LMNB1: variants seen among roughly 807,000 people sequenced by gnomAD.
The protein encoded by LMNB1 is lamin B1.
LMNB1 carries 23 observed loss-of-function variants against 67.1 expected under a neutral mutation model. That is an observed-to-expected ratio of 0.34 (90% CI 0.25 to 0.49). The LOEUF is 0.49. Among genes scored for constraint, LMNB1 ranks in the 20% least tolerant of loss-of-function variants. The pLI, the probability that LMNB1 is intolerant of heterozygous loss-of-function variation, is 0.99. For synonymous variants in LMNB1, 281 were observed against 282.9 expected (o/e 0.99, Z 0.07); for missense variants, 634 against 746.5 (o/e 0.85, Z 1.76).
At chr5:126,834,320 C>T (rs1208038463) in intron 10 of LMNB1, among the ~76,000 whole-genome samples, 1 of 152,160 alleles carries the variant, frequency 6.6e-6, no homozygotes, top group African/African-American at 2.4e-5. Context: ...ATACCCCTGC[C>T]TCAGTCTCCC....
chr5:126,829,153 T>G (rs1471494973), intron 9 of LMNB1, among the ~76,000 whole-genome samples: 2 of 152,026 alleles, frequency 1.3e-5, no homozygotes, highest in Non-Finnish European at 2.9e-5. Flanking sequence ...TTTTTCTTCT[T>G]GCTGGGGCAT....
At chr5:126,829,824 C>T (rs1490277010) in intron 9 of LMNB1, among the ~76,000 whole-genome samples, 1 of 152,024 alleles carries the variant, frequency 6.6e-6, no homozygotes, top group African/African-American at 2.4e-5. Context: ...TTGCACTGGG[C>T]TCCTTGTGAC....
chr5:126,825,223 T>C (rs899775925), intron 8 of LMNB1, among the ~76,000 whole-genome samples: 6 of 152,224 alleles, frequency 3.9e-5, no homozygotes, highest in Admixed American at 3.9e-4. Flanking sequence ...TGCCAGGTGT[T>C]CTTCACTCTA....
Position 126,836,317 on chromosome 5 carries a change from T to C in LMNB1, c.*53T>C. ...AGAAGTATGGTAATCTTTACCTGTATACAGTGCAGAGCCTTCTCAGAAGCA... is the reference window on the plus strand; with the variant it reads ...AGAAGTATGGTAATCTTTACCTGTACACAGTGCAGAGCCTTCTCAGAAGCA... On this transcript the variant is annotated 3_prime_UTR_variant, in exon 11 of 11. Transcript: ENST00000261366. The C allele has an allele frequency of 8.3e-7, 1 of 1,202,610 alleles. No homozygotes were observed. Among genetic ancestry groups the C allele is most frequent in the South Asian group, 1.3e-5 (1 of 79,920 alleles). The allele number at this position is 1,202,610 out of a possible 1,614,324, so 74.5% of individuals were successfully genotyped here.
intron 6 of LMNB1, 175 bp downstream of exon 6, chr5:126,819,317 T>C (rs1426916045): frequency 3.7e-6 from 2 of 541,308 alleles, no homozygotes; most frequent in Non-Finnish European, 3.3e-6. Flanking sequence ...CAGAAAATGT[T>C]GCTCAAGTAC....
chr5:126,800,981 A>ATTTTTTTTT (rs1554113727), intron 1 of LMNB1, among the ~76,000 whole-genome samples: 2 of 28,052 alleles, frequency 7.1e-5, no homozygotes, highest in Non-Finnish European at 1.4e-4. Context: ...ATATATATAT[A>ATTTTTTTTT]ATTTTTTTTT....
intron 2 of LMNB1, 117 bp downstream of exon 2, chr5:126,805,049 T>A: frequency 2.1e-6 from 2 of 964,108 alleles, no homozygotes; most frequent in Non-Finnish European, 3.0e-6. Flanking sequence ...AAATTTTATA[T>A]ATTTGTTTTC....
intron 1 of LMNB1, among the ~76,000 whole-genome samples, chr5:126,779,848 A>G (rs1306707074): frequency 6.6e-6 from 1 of 152,050 alleles, no homozygotes; most frequent in Non-Finnish European, 1.5e-5. Flanking sequence ...CTGGCTAACA[A>G]GGTGAAACCC....
chr5:126,780,732 A>G (rs1359214049), intron 1 of LMNB1, among the ~76,000 whole-genome samples: 1 of 152,160 alleles, frequency 6.6e-6, no homozygotes, highest in African/African-American at 2.4e-5. Flanking sequence ...CCAGGATTAG[A>G]TGACTCTTCT....
chr5:126,830,871 G>T (rs748617151), intron 9 of LMNB1, among the ~76,000 whole-genome samples: 4 of 152,184 alleles, frequency 2.6e-5, no homozygotes, highest in African/African-American at 4.8e-5. Flanking sequence ...CTAGTTGATA[G>T]CTTGAACGGT....
In LMNB1 at chr5:126,792,151, T is replaced by C. The variant is rs551730480; in HGVS notation, c.360-12625T>C. On this transcript the variant is annotated intron_variant, in intron 1 of 10. Coordinates refer to ENST00000261366, the MANE Select transcript of LMNB1 (RefSeq NM_005573.4). ...TTGATGGATTTGGTTCCTTTTTTTTTTTTTTTTTGGAGACAGAGTCTTACT... is the reference window on the plus strand; with the variant it reads ...TTGATGGATTTGGTTCCTTTTTTTTCTTTTTTTTGGAGACAGAGTCTTACT... 2.6e-5 allele frequency among the ~76,000 whole-genome samples: 4 copies of C among 151,012 alleles called. No homozygotes were observed. The East Asian group carries it at 7.8e-4, about 29-fold the overall frequency.
At position 126,806,037 on chromosome 5, in the gene LMNB1, C is replaced by G. The variant is rs553980540; in HGVS notation, c.642+341C>G. Among the ~76,000 whole-genome samples the G allele has an allele frequency of 4.9e-4, 75 of 152,330 alleles. 1 individual carries two copies. Among genetic ancestry groups the G allele is most frequent in the Admixed American group, 4.3e-3 (66 of 15,310 alleles). Reference sequence around the variant, plus strand: ...TGGCACGATCTCGGCTCCTTTCAACCTCTGCCTCCTGGGTTCAAGCAGTTC... The same window carrying G: ...TGGCACGATCTCGGCTCCTTTCAACGTCTGCCTCCTGGGTTCAAGCAGTTC... On this transcript the variant is annotated intron_variant, in intron 3 of 10. Coordinates refer to ENST00000261366, the MANE Select transcript of LMNB1 (RefSeq NM_005573.4).
At chr5:126,796,379 A>C (rs1471879943) in intron 1 of LMNB1, among the ~76,000 whole-genome samples, 2 of 152,222 alleles carry the variant, frequency 1.3e-5, no homozygotes, top group African/African-American at 4.8e-5. Context: ...AGTCATCCTC[A>C]CAGAAGGACT....
chr5:126,789,053 G>A (rs1322123809), intron 1 of LMNB1, among the ~76,000 whole-genome samples: 2 of 151,878 alleles, frequency 1.3e-5, no homozygotes, highest in African/African-American at 4.8e-5. Context: ...ACACCACCAC[G>A]ACTGGCTAAT....
At position 126,821,113 on chromosome 5, in the gene LMNB1, G is replaced by T. The variant is rs773118659; in HGVS notation, c.1364G>T (p.Arg455Leu). 14 of 1,612,748 alleles carry T rather than the reference G, an allele frequency of 8.7e-6. No individual in the cohort carries two copies. The highest frequency in any genetic ancestry group is 3.3e-4 in the Middle Eastern group (2 of 6,062). Residue 455 changes from arginine to leucine, a missense_variant, in exon 7 of 11, where the codon CGC (arginine) becomes CTC (leucine). Transcript: ENST00000261366. ...ATTGATGTTGATGGGAAATTTATCC[G>T]CTTGAAGAACACTTCTGAACAGGTA... ...EEIDVDGKFI[R>L]LKNTSEQDQP... is the part of the protein sequence containing the mutation.
chr5:126,822,152 C>T (rs781106075), intron 7 of LMNB1, among the ~76,000 whole-genome samples: 11 of 152,000 alleles, frequency 7.2e-5, no homozygotes, highest in Non-Finnish European at 1.5e-4. Context: ...CACGCAAGCA[C>T]GCCTGCTGAT....
rs539200735 is a variant in LMNB1 at position 126,806,792 on chromosome 5, T to TG, written c.642+1096_642+1097insG. Among the ~76,000 whole-genome samples, 250 of 152,068 alleles carry TG rather than the reference T, an allele frequency of 1.6e-3. 2 individuals carry two copies. The highest frequency in any genetic ancestry group is 3.4e-3 in the Middle Eastern group (1 of 294). Reference sequence around the variant, plus strand: ...TTATAGGCGTGTAAATTTTTTTTTTTTTGAGACACGAGACCCGCTCTGTCG... The same window carrying TG: ...TTATAGGCGTGTAAATTTTTTTTTTTGTTGAGACACGAGACCCGCTCTGTCG... On this transcript the variant is annotated intron_variant, in intron 3 of 10. Coordinates refer to ENST00000261366, the MANE Select transcript of LMNB1 (RefSeq NM_005573.4).
chr5:126,831,960 A>C (rs1410213563), intron 9 of LMNB1, among the ~76,000 whole-genome samples: 2 of 151,868 alleles, frequency 1.3e-5, no homozygotes, highest in East Asian at 3.9e-4. Context: ...CCCCCGCCCC[A>C]CCCCTTTAAA....
At chr5:126,779,405 A>G (rs916812550) in intron 1 of LMNB1, among the ~76,000 whole-genome samples, 1 of 152,224 alleles carries the variant, frequency 6.6e-6, no homozygotes, top group African/African-American at 2.4e-5. Context: ...TTCATCTTTT[A>G]AAATGAGCAG....
Sources: gnomAD v4.1 joint callset for allele counts (sites outside exome capture counted in the v4.1 genomes callset) on GRCh38, gnomAD v4.1.1 for gene constraint, MANE v1.5 for transcripts, NCBI Gene and HGNC (gene_info 2026-07-23, HGNC 2026-07-21) for gene names.